The following SHC3 variants were observed in gnomAD, a reference collection of about 807,000 sequenced individuals.
SHC3 encodes SHC adaptor protein 3.
In SHC3, 15 loss-of-function variants were observed where a neutral mutation model predicts 60.4. The ratio of observed to expected loss-of-function variants is 0.25; its 90% CI spans 0.17 to 0.38. The LOEUF is 0.38. Ranked by LOEUF, SHC3 falls within the 10% of genes least tolerant of loss-of-function variation. The probability of loss-of-function intolerance (pLI) is 1.00; values close to 1 mark genes in which losing one functional copy is unlikely to be tolerated. For synonymous variants in SHC3, 294 were observed against 325.9 expected, an observed-to-expected ratio of 0.90 and a Z score of 1.05; for missense variants, 677 against 786.1, an observed-to-expected ratio of 0.86 and a Z score of 1.66.
chr9:89,075,312 T>G lies in SHC3; in HGVS notation c.610-84A>C. 2.6e-6 allele frequency: 4 copies of G among 1,529,690 alleles called. No individual in the cohort carries two copies. In the South Asian group the frequency reaches 5.0e-5, roughly 19 times the overall value. 94.8% of individuals were successfully genotyped at this position (1,529,690 alleles called of 1,614,324 possible). A position where few individuals can be genotyped will look rare whatever the true frequency, so the allele number is the denominator to read the frequency against. Reference sequence around the variant, plus strand: ...GTGGATGCCTGCCATACCCCTAAACTCTCACTAACTGTTCCTCCCTCCTTA... The same window carrying G: ...GTGGATGCCTGCCATACCCCTAAACGCTCACTAACTGTTCCTCCCTCCTTA... On this transcript the variant is annotated intron_variant, in intron 3 of 11. Transcript: ENST00000375835.
At chr9:89,107,402 G>A (rs1472128247) in intron 2 of SHC3, among the ~76,000 whole-genome samples, 2 of 152,140 alleles carry the variant, frequency 1.3e-5, no homozygotes, top group Non-Finnish European at 2.9e-5. Context: ...GCACACAAAT[G>A]CCCATGAAGC....
intron 6 of SHC3, among the ~76,000 whole-genome samples, chr9:89,061,249 T>C (rs1188147995): frequency 6.6e-6 from 1 of 152,194 alleles, no homozygotes; most frequent in Non-Finnish European, 1.5e-5. Flanking sequence ...CATTATACAC[T>C]TGAGGCTTTG....
At chr9:89,089,704 C>A (rs1477554074) in intron 2 of SHC3, among the ~76,000 whole-genome samples, 1 of 152,230 alleles carries the variant, frequency 6.6e-6, no homozygotes, top group Non-Finnish European at 1.5e-5. Flanking sequence ...TTGAGCTCTT[C>A]CAGGCTTCAG....
chr9:89,133,655 G>T (rs143623238), intron 1 of SHC3, among the ~76,000 whole-genome samples: 3 of 151,942 alleles, frequency 2.0e-5, no homozygotes, highest in South Asian at 2.1e-4. Flanking sequence ...GCAAACTATC[G>T]CAAGGACAGA....
At chr9:89,079,004 C>T (rs1337247136) in intron 2 of SHC3, among the ~76,000 whole-genome samples, 1 of 152,200 alleles carries the variant, frequency 6.6e-6, no homozygotes, top group African/African-American at 2.4e-5. Context: ...ATGTCCATAT[C>T]AGTTACGCAA....
chr9:89,065,350 G>A (rs1279298232), intron 6 of SHC3, among the ~76,000 whole-genome samples, 179 bp downstream of exon 6: 5 of 151,938 alleles, frequency 3.3e-5, no homozygotes, highest in Admixed American at 6.6e-5. Flanking sequence ...AGAGAGGTCC[G>A]GTACCTCCTA....
At position 89,009,181 on chromosome 9, in the gene SHC3, C is replaced by T. The variant is rs1372103727; in HGVS notation, c.*4266G>A. On this transcript the variant is annotated 3_prime_UTR_variant, in exon 12 of 12. Transcript: ENST00000375835. ...GTTTCCTCTTCTGAAAAGCAGGGCC[C>T]CCTACTGGGCTGTCTTACCAAGCTC... 6.6e-6 allele frequency: 1 copy of T among 152,356 alleles called. No homozygotes were observed. The highest frequency in any genetic ancestry group is 2.4e-5 in the African/African-American group (1 of 41,434). The allele number at this position is 152,356 out of a possible 1,614,324, so 9.4% of individuals were successfully genotyped here.
At chr9:89,045,279 C>CTT (rs35967148) in intron 9 of SHC3, among the ~76,000 whole-genome samples, 9,422 of 122,160 alleles carry the variant, frequency 0.077, 515 homozygotes, top group Non-Finnish European at 0.11. Flanking sequence ...AACACTGTTG[C>CTT]TTTTTTTTTT....
chr9:89,046,791 T>C, intron 8 of SHC3, 53 bp downstream of exon 8: 1 of 1,409,292 alleles, frequency 7.1e-7, no homozygotes, highest in Non-Finnish European at 9.3e-7. Context: ...CAAAAGGAAA[T>C]AAAGTAGAGT....
chr9:89,136,208 T>C (rs1045915375), intron 1 of SHC3, among the ~76,000 whole-genome samples: 6 of 152,124 alleles, frequency 3.9e-5, no homozygotes, highest in African/African-American at 1.4e-4. Flanking sequence ...AAGGGTTCTC[T>C]TAGAAAAAGG....
intron 7 of SHC3, among the ~76,000 whole-genome samples, chr9:89,047,981 G>A (rs1263849379): frequency 6.6e-6 from 1 of 152,154 alleles, no homozygotes; most frequent in Non-Finnish European, 1.5e-5. Flanking sequence ...CGCAGTGGCT[G>A]ATGCCTGTAA....
intron 6 of SHC3, among the ~76,000 whole-genome samples, chr9:89,063,206 T>C (rs1041597892): frequency 6.6e-6 from 1 of 152,202 alleles, no homozygotes; most frequent in Non-Finnish European, 1.5e-5. Flanking sequence ...CTCGGCTCAC[T>C]GCAACCTCTG....
At chr9:89,121,434 G>A (rs1049169260) in intron 1 of SHC3, among the ~76,000 whole-genome samples, 1 of 152,132 alleles carries the variant, frequency 6.6e-6, no homozygotes, top group Admixed American at 6.5e-5. Context: ...GGGATTACAG[G>A]TATGCACCAC....
At position 89,178,554 on chromosome 9, in the gene SHC3, A is replaced by G. The variant is rs1826983922; in HGVS notation, c.-94T>C. On this transcript the variant is annotated 5_prime_UTR_variant, in exon 1 of 12. Transcript: ENST00000375835. This position sits in a 1 kb window ranked among gnomAD's most constrained non-coding sequence, Gnocchi z 6.9. ...ATAGCAGGCGAGCCACTGTCCCCGG[A>G]GCGGGACGGAGAGTGGGGGCCCCGG... The G allele has an allele frequency of 2.4e-6, 3 of 1,257,528 alleles. No individual in the cohort carries two copies. The South Asian group carries it at 5.4e-5, about 23-fold the overall frequency. 77.9% of individuals were successfully genotyped at this position (1,257,528 alleles called of 1,614,324 possible). A position where few individuals can be genotyped will look rare whatever the true frequency, so the allele number is the denominator to read the frequency against.
Position 89,006,644 on chromosome 9 carries a change from C to G in SHC3, c.*6803G>C, listed in dbSNP as rs1049266482. The G allele has an allele frequency of 6.6e-6, 1 of 152,210 alleles. No individual in the cohort carries two copies. Among genetic ancestry groups the G allele is most frequent in the African/African-American group, 2.4e-5 (1 of 41,444 alleles). The allele number at this position is 152,210 out of a possible 1,614,324, so 9.4% of individuals were successfully genotyped here. ...TTAAAAAGTTATTATCTTATTATTA[C>G]ACATTAAATTTACATGGAGTTGTCT... On this transcript the variant is annotated 3_prime_UTR_variant, in exon 12 of 12. Transcript: ENST00000375835.
At chr9:89,021,015 C>T (rs1325862202) in intron 11 of SHC3, among the ~76,000 whole-genome samples, 2 of 152,170 alleles carry the variant, frequency 1.3e-5, no homozygotes. Context: ...TGCTGAGCTG[C>T]AGCCCCAGTT....
At chr9:89,109,105 C>G (rs192071215) in intron 2 of SHC3, 1 of 985,602 alleles carries the variant, frequency 1.0e-6, no homozygotes, top group East Asian at 1.1e-4. Context: ...CAGCCTGGGC[C>G]AGGTCCTGGG....
chr9:89,071,369 C>G, intron 4 of SHC3, 117 bp from the exon 5 acceptor site: 1 of 965,850 alleles, frequency 1.0e-6, no homozygotes, highest in Non-Finnish European at 1.6e-6. Flanking sequence ...AAATTGGTAT[C>G]TATATAAAAA....
At chr9:89,029,044 T>C (rs1249551507) in intron 11 of SHC3, among the ~76,000 whole-genome samples, 2 of 151,024 alleles carry the variant, frequency 1.3e-5, no homozygotes, top group Non-Finnish European at 3.0e-5. Flanking sequence ...AGATTATATC[T>C]ATATTATACA....
Sources: allele counts gnomAD v4.1 joint callset (sites outside exome capture counted in the v4.1 genomes callset), GRCh38; gene constraint gnomAD v4.1.1; non-coding constraint Gnocchi (gnomAD v3.1); transcripts MANE v1.5; gene names NCBI Gene and HGNC (gene_info 2026-07-23, HGNC 2026-07-21).